NR5A1: variants seen among roughly 807,000 people sequenced by gnomAD.
The protein encoded by NR5A1 is steroidogenic factor 1.
Under a neutral mutation model 42.7 loss-of-function variants are expected in NR5A1, and 6 were observed. The observed-to-expected ratio is 0.14, with a 90% CI of 0.08 to 0.28. The LOEUF (loss-of-function observed/expected upper bound fraction) is 0.28. Ranked by LOEUF, NR5A1 falls within the 10% of genes least tolerant of loss-of-function variation. NR5A1 has a pLI of 1.00. For synonymous variants in NR5A1, 274 were observed against 277.5 expected (o/e 0.99, Z 0.12); for missense variants, 442 against 626.4 (o/e 0.71, Z 3.14).
chr9:124,490,875 C>T (rs577279589), intron 6 of NR5A1, among the ~76,000 whole-genome samples: 18 of 152,324 alleles, frequency 1.2e-4, no homozygotes, highest in East Asian at 3.9e-4. Flanking sequence ...GCCACCAGAG[C>T]GGGAGCAGCC....
chr9:124,506,467 A>C (rs1428399702), intron 1 of NR5A1, among the ~76,000 whole-genome samples: 2 of 152,182 alleles, frequency 1.3e-5, no homozygotes, highest in Non-Finnish European at 2.9e-5. Flanking sequence ...GAGCCCTCAG[A>C]CAGTGACTGC....
rs967275699 is a variant in NR5A1 at position 124,481,826 on chromosome 9, C to T, written c.*932G>A. ...ATGACCCAGCACCACCCCAAGGGTA[C>T]TTAGTAGGCGAGTGTCCGGGGAGAA... is the stretch of plus-strand genomic sequence containing the variant. On this transcript the variant is annotated 3_prime_UTR_variant, in exon 7 of 7. Transcript: ENST00000373588. The T allele has an allele frequency of 6.6e-6, 1 of 152,246 alleles. No homozygotes were observed. The highest frequency in any genetic ancestry group is 1.5e-5 in the Non-Finnish European group (1 of 68,058). 9.4% of individuals were successfully genotyped at this position (152,246 alleles called of 1,614,324 possible).
In NR5A1 at chr9:124,503,247, C is replaced by T. The variant is rs1369987045; in HGVS notation, c.103-27G>A. 2 of 1,603,814 alleles carry T rather than the reference C, an allele frequency of 1.2e-6. No individual in the cohort carries two copies. Among genetic ancestry groups the T allele is most frequent in the Admixed American group, 1.7e-5 (1 of 59,032 alleles). ...TGCGGGAGCTGAGAGTCAGCGAGGCCCCGCAGCGCCCGTCTGCCGCACCCC... is the reference window on the plus strand; with the variant it reads ...TGCGGGAGCTGAGAGTCAGCGAGGCTCCGCAGCGCCCGTCTGCCGCACCCC... On this transcript the variant is annotated intron_variant, in intron 2 of 6. Transcript: ENST00000373588. The surrounding 1 kb of genome is among the most constrained non-coding windows in gnomAD (Gnocchi z 9.6).
At position 124,500,444 on chromosome 9, in the gene NR5A1, G is replaced by A. The variant is rs113506523; in HGVS notation, c.516C>T (p.Ala172=). ...CCAGTGGCCCGTGGGCACCGGGCAC[G>A]GCCATGGGCAGTGCTGGGGCCCCAA... is the stretch of plus-strand genomic sequence containing the variant. ...GDFGAPALPM[A]VPGAHGPLAG... Residue 172 remains alanine (A), a synonymous_variant, in exon 4 of 7, where the codon GCC becomes GCT. Coordinates refer to ENST00000373588, the MANE Select transcript of NR5A1 (RefSeq NM_004959.5). The surrounding 1 kb of genome is among the most constrained non-coding windows in gnomAD (Gnocchi z 6.9). The A allele has an allele frequency of 1.9e-3, 2,993 of 1,583,304 alleles. 57 individuals carry two copies. In the African/African-American group the frequency reaches 0.036, roughly 19 times the overall value.
intron 1 of NR5A1, among the ~76,000 whole-genome samples, chr9:124,504,435 C>A (rs1832519797): frequency 6.6e-6 from 1 of 152,002 alleles, no homozygotes; most frequent in African/African-American, 2.4e-5. Flanking sequence ...CCGCCGGGAC[C>A]CCCTCCCCGG....
chr9:124,496,773 C>T lies in NR5A1; in HGVS notation c.870+3317G>A, dbSNP rs965401088. 2.0e-5 allele frequency among the ~76,000 whole-genome samples: 3 copies of T among 152,170 alleles called. No individual in the cohort carries two copies. The highest frequency in any genetic ancestry group is 1.9e-4 in the East Asian group (1 of 5,196). ...TTAAATCTGCTGTCAGTGGGGGCCT[C>T]GGAGCTGGATGTTGAGGGTGAACGG... On this transcript the variant is annotated intron_variant, in intron 4 of 6. Transcript: ENST00000373588. The surrounding 1 kb of genome is among the most constrained non-coding windows in gnomAD (Gnocchi z 5.0).
chr9:124,492,924 G>C, intron 5 of NR5A1, 106 bp downstream of exon 5: 1 of 1,336,296 alleles, frequency 7.5e-7, no homozygotes, highest in Non-Finnish European at 9.9e-7. Flanking sequence ...AGGGTGCCCA[G>C]AGCCAGCCCC....
At chr9:124,504,369 G>T (rs115720829) in intron 1 of NR5A1, among the ~76,000 whole-genome samples, 14,725 of 152,172 alleles carry the variant, frequency 0.097, 2,043 homozygotes, top group African/African-American at 0.31. Context: ...ACGGGGGCCC[G>T]GGCCGCAGGA....
chr9:124,492,639 G>A (rs1323842582), intron 5 of NR5A1, among the ~76,000 whole-genome samples: 3 of 152,072 alleles, frequency 2.0e-5, no homozygotes, highest in Non-Finnish European at 2.9e-5. Context: ...GGGCCCGGGG[G>A]CTCCACACTT....
Position 124,503,164 on chromosome 9 carries a change from C to T in NR5A1, c.159G>A (p.Gln53=). 1 of 1,600,886 alleles carries T rather than the reference C, an allele frequency of 6.2e-7. No individual in the cohort carries two copies. Among genetic ancestry groups the T allele is most frequent in the Middle Eastern group, 1.7e-4 (1 of 6,046 alleles). ...GCTGCGTCTTGTCGATCTTGCAGCT[C>T]TGGCTCTCGGTGCACGTGTAGTGCT... ...NNKHYTCTES[Q]SCKIDKTQRK... The change falls in exon 3 of 7, where the codon CAG becomes CAA. Residue 53 remains glutamine, a synonymous_variant. Coordinates refer to ENST00000373588, the MANE Select transcript of NR5A1 (RefSeq NM_004959.5). The surrounding 1 kb of genome is among the most constrained non-coding windows in gnomAD (Gnocchi z 9.6).
At chr9:124,486,667 C>A (rs551341374) in intron 6 of NR5A1, among the ~76,000 whole-genome samples, 1 of 152,210 alleles carries the variant, frequency 6.6e-6, no homozygotes, top group East Asian at 1.9e-4. Flanking sequence ...CATCTGGAGA[C>A]CTTGTACAAG....
chr9:124,501,989 G>A lies in NR5A1; in HGVS notation c.244+1090C>T, dbSNP rs1053110884. On this transcript the variant is annotated intron_variant, in intron 3 of 6. Coordinates refer to ENST00000373588, the MANE Select transcript of NR5A1 (RefSeq NM_004959.5). The surrounding 1 kb of genome is among the most constrained non-coding windows in gnomAD (Gnocchi z 4.1). ...AAAGAGGGGCCTGGGTTTCTTGGGG[G>A]CAATTCAATTGTCCCCCACTGCCCG... is the stretch of plus-strand genomic sequence containing the variant. Among the ~76,000 whole-genome samples, 1 of 152,200 alleles carries A rather than the reference G, an allele frequency of 6.6e-6. No homozygotes were observed. Among genetic ancestry groups the A allele is most frequent in the African/African-American group, 2.4e-5 (1 of 41,450 alleles).
chr9:124,496,566 C>T lies in NR5A1; in HGVS notation c.871-3417G>A, dbSNP rs1832393532. On this transcript the variant is annotated intron_variant, in intron 4 of 6. Transcript: ENST00000373588. This position sits in a 1 kb window ranked among gnomAD's most constrained non-coding sequence, Gnocchi z 5.0. ...TGACCTCCCTCCCAGCAGGGCCCCTCTGGAGCCCCCTGGGGTCCGATTGGT... is the reference window on the plus strand; with the variant it reads ...TGACCTCCCTCCCAGCAGGGCCCCTTTGGAGCCCCCTGGGGTCCGATTGGT... Among the ~76,000 whole-genome samples, 1 of 152,200 alleles carries T rather than the reference C, an allele frequency of 6.6e-6. No individual in the cohort carries two copies. The highest frequency in any genetic ancestry group is 2.4e-5 in the African/African-American group (1 of 41,444).
At chr9:124,493,403 C>T (rs979855258) in intron 4 of NR5A1, among the ~76,000 whole-genome samples, 9 of 152,212 alleles carry the variant, frequency 5.9e-5, no homozygotes, top group African/African-American at 2.2e-4. Flanking sequence ...TACGTAAGTC[C>T]TGGTAACCTT....
At chr9:124,486,186 C>T (rs1832205206) in intron 6 of NR5A1, among the ~76,000 whole-genome samples, 1 of 152,122 alleles carries the variant, frequency 6.6e-6, no homozygotes, top group Admixed American at 6.5e-5. Context: ...CAGCTCTCAG[C>T]AGGTTGGAAA....
At position 124,482,297 on chromosome 9, in the gene NR5A1, G is replaced by A. The variant is rs918730367; in HGVS notation, c.*461C>T. 2 of 257,818 alleles carry A rather than the reference G, an allele frequency of 7.8e-6. No homozygotes were observed. Among genetic ancestry groups the A allele is most frequent in the African/African-American group, 4.4e-5 (2 of 44,980 alleles). 16.0% of individuals were successfully genotyped at this position (257,818 alleles called of 1,614,324 possible). A position where few individuals can be genotyped will look rare whatever the true frequency, so the allele number is the denominator to read the frequency against. ...CTCTCCCTCCTGGTCTCTATGGGGG[G>A]AACACTGGAGACCCTCTCTCCTCCC... is the stretch of plus-strand genomic sequence containing the variant. On this transcript the variant is annotated 3_prime_UTR_variant, in exon 7 of 7. Transcript: ENST00000373588.
rs149583896 is a variant in NR5A1 at position 124,500,102 on chromosome 9, G to A, written c.858C>T (p.Phe286=). Residue 286 remains phenylalanine (F), a synonymous_variant, in exon 4 of 7, where the codon TTC becomes TTT. Transcript: ENST00000373588. The surrounding 1 kb of genome is among the most constrained non-coding windows in gnomAD (Gnocchi z 6.9). The part of the protein sequence containing the change: ...IVDWARRCMV[F]KELEVADQMT... ...AGGAGAGACTCACCTCCAGCTCCTTGAAGACCATGCACCTGCGTGCCCAGT... is the reference window on the plus strand; with the variant it reads ...AGGAGAGACTCACCTCCAGCTCCTTAAAGACCATGCACCTGCGTGCCCAGT... 6.2e-7 allele frequency: 1 copy of A among 1,613,010 alleles called. No homozygotes were observed. The highest frequency in any genetic ancestry group is 8.5e-7 in the Non-Finnish European group (1 of 1,180,046).
At chr9:124,486,305 C>G (rs1276850379) in intron 6 of NR5A1, among the ~76,000 whole-genome samples, 2 of 152,156 alleles carry the variant, frequency 1.3e-5, no homozygotes, top group Non-Finnish European at 2.9e-5. Flanking sequence ...TTCCCGGGCA[C>G]CCCCCAGGCA....
At chr9:124,494,959 G>T (rs113414825) in intron 4 of NR5A1, among the ~76,000 whole-genome samples, 2 of 152,214 alleles carry the variant, frequency 1.3e-5, no homozygotes, top group Admixed American at 1.3e-4. Flanking sequence ...CCCGCTCTCT[G>T]TTCCCCTTCT....
Sources: gnomAD v4.1 joint callset for allele counts (sites outside exome capture counted in the v4.1 genomes callset) on GRCh38, gnomAD v4.1.1 for gene constraint, Gnocchi (gnomAD v3.1) non-coding constraint, MANE v1.5 for transcripts, NCBI Gene and HGNC (gene_info 2026-07-23, HGNC 2026-07-21) for gene names.